The following BAZ2B variants were observed in gnomAD, a reference collection of about 807,000 sequenced individuals.
BAZ2B encodes the protein bromodomain adjacent to zinc finger domain protein 2B.
In BAZ2B, 91 loss-of-function variants were observed where a neutral mutation model predicts 246.0. The observed-to-expected ratio is 0.37, with a 90% confidence interval of 0.31 to 0.44. BAZ2B has a LOEUF of 0.44. BAZ2B is among the 20% of genes least tolerant of loss of function. The pLI is 1.00. For missense variants in BAZ2B, 2,332 were observed against 2,533.7 expected (o/e 0.92, Z 1.71); for synonymous variants, 855 against 860.0 (o/e 0.99, Z 0.10).
chr2:159,630,692 C>T, the BAZ2B span, among the ~76,000 whole-genome samples: 1 of 152,098 alleles, frequency 6.6e-6, no homozygotes, highest in Non-Finnish European at 1.5e-5. Flanking sequence ...CGCTACCACG[C>T]CCGGCTAATT....
At chr2:159,643,334 T>C in the BAZ2B span, among the ~76,000 whole-genome samples, 1 of 152,176 alleles carries the variant, frequency 6.6e-6, no homozygotes, top group Admixed American at 6.5e-5. Flanking sequence ...ATCTTGCTCC[T>C]TCCTAACATG....
the BAZ2B span, among the ~76,000 whole-genome samples, chr2:159,683,038 C>T: frequency 6.6e-6 from 1 of 151,994 alleles, no homozygotes; most frequent in Non-Finnish European, 1.5e-5. Context: ...TGCATTTCCC[C>T]CATGGAGCAT....
At chr2:159,445,144 G>T (rs549081849) in intron 6 of BAZ2B, among the ~76,000 whole-genome samples, 39 of 152,254 alleles carry the variant, frequency 2.6e-4, no homozygotes, top group African/African-American at 9.4e-4. Context: ...AGAGTGATCA[G>T]AATGTAGAAG....
At chr2:159,555,387 A>T (rs893342989) in intron 2 of BAZ2B, 1 of 152,082 alleles carries the variant, frequency 6.6e-6, no homozygotes, top group African/African-American at 2.4e-5. Context: ...CACCGCGCCC[A>T]GCCTACCAAG....
the BAZ2B span, among the ~76,000 whole-genome samples, chr2:159,707,424 C>T: frequency 6.6e-6 from 1 of 151,962 alleles, no homozygotes; most frequent in Non-Finnish European, 1.5e-5. Context: ...AGCTGTTGGC[C>T]TGGTGCCTGT....
chr2:159,437,407 T>G (rs1363311266), intron 8 of BAZ2B: 1 of 151,770 alleles, frequency 6.6e-6, no homozygotes, highest in East Asian at 1.9e-4. Flanking sequence ...TTTTTTTTTT[T>G]TTTCGGTAGA....
At chr2:159,693,329 G>A in the BAZ2B span, 1 of 151,784 alleles carries the variant, frequency 6.6e-6, no homozygotes, top group African/African-American at 2.4e-5. Context: ...TTTTTATGAG[G>A]TGGATCCTTG....
intron 2 of BAZ2B, among the ~76,000 whole-genome samples, chr2:159,532,758 G>A (rs1305982544): frequency 6.6e-6 from 1 of 152,130 alleles, no homozygotes; most frequent in Non-Finnish European, 1.5e-5. Flanking sequence ...AGGATTCTGT[G>A]TCAAGATGTC....
rs551132713 is a variant in BAZ2B, at chr2:159,414,571, T to C, written c.2467-2026A>G. Among the ~76,000 whole-genome samples the C allele has an allele frequency of 4.6e-5, 7 of 152,034 alleles. No individual in the cohort carries two copies. In the East Asian group the frequency reaches 9.7e-4, roughly 21 times the overall value. Reference sequence around the variant, plus strand: ...GTGGCCCACGCCTGTAATCTCAGCATGTTGGGAGGCTGAGGCGGGTGGATC... The same window carrying C: ...GTGGCCCACGCCTGTAATCTCAGCACGTTGGGAGGCTGAGGCGGGTGGATC... On this transcript the variant is annotated intron_variant, in intron 13 of 36. Transcript: ENST00000392783.
chr2:159,649,576 G>A, the BAZ2B span, among the ~76,000 whole-genome samples: 1 of 152,074 alleles, frequency 6.6e-6, no homozygotes, highest in Non-Finnish European at 1.5e-5. Context: ...CATGGCCCAG[G>A]GGTTGGGGAC....
intron 2 of BAZ2B, among the ~76,000 whole-genome samples, chr2:159,538,011 T>C (rs1404004264): frequency 6.6e-6 from 1 of 152,182 alleles, no homozygotes; most frequent in Non-Finnish European, 1.5e-5. Flanking sequence ...TTTGTTTGTT[T>C]GTTTAGGAGG....
At chr2:159,704,482 CTT>C in the BAZ2B span, among the ~76,000 whole-genome samples, 15 of 116,996 alleles carry the variant, frequency 1.3e-4, no homozygotes, top group Admixed American at 1.9e-4. Context: ...CTTTCTTTTT[CTT>C]TTTTTTTTTT....
At chr2:159,691,069 T>C in the BAZ2B span, among the ~76,000 whole-genome samples, 1 of 152,310 alleles carries the variant, frequency 6.6e-6, no homozygotes, top group Admixed American at 6.5e-5. Context: ...TATATATTTA[T>C]CATGTTAAGA....
intron 3 of BAZ2B, among the ~76,000 whole-genome samples, chr2:159,456,928 C>T (rs1229863647): frequency 6.6e-6 from 1 of 152,148 alleles, no homozygotes; most frequent in African/African-American, 2.4e-5. Flanking sequence ...TTTAAGAATA[C>T]ATTTCACAAT....
At chr2:159,634,603 G>A in the BAZ2B span, among the ~76,000 whole-genome samples, 7 of 152,074 alleles carry the variant, frequency 4.6e-5, no homozygotes, top group Non-Finnish European at 8.8e-5. Context: ...ATATTATTTC[G>A]CTGCTGGTTT....
chr2:159,414,544 C>T (rs1474149689), intron 13 of BAZ2B, among the ~76,000 whole-genome samples: 1 of 152,088 alleles, frequency 6.6e-6, no homozygotes. Flanking sequence ...TGGCCGGGCG[C>T]GGTGGCCCAC....
At chr2:159,584,127 GTT>G (rs34885086) in intron 1 of BAZ2B, among the ~76,000 whole-genome samples, 24 of 146,234 alleles carry the variant, frequency 1.6e-4, no homozygotes, top group Admixed American at 2.7e-4. Context: ...CTGATTTAGG[GTT>G]TTTTTTTTTT....
In BAZ2B at chr2:159,462,091, A is replaced by G. The variant is rs2076474866; in HGVS notation, c.146-8290T>C. On this transcript the variant is annotated intron_variant, in intron 3 of 36. Transcript: ENST00000392783. ...AAATCAGTAGCAGCGCTTCATGGCTAGGAAACTTTTTTAAACAGTAAAATG... is the reference window on the plus strand; with the variant it reads ...AAATCAGTAGCAGCGCTTCATGGCTGGGAAACTTTTTTAAACAGTAAAATG... The G allele has an allele frequency of 4.3e-5, 11 of 256,476 alleles. No individual in the cohort carries two copies. The South Asian group carries it at 5.3e-4, about 12-fold the overall frequency. The allele number at this position is 256,476 out of a possible 1,614,324, so 15.9% of individuals were successfully genotyped here. A position where few individuals can be genotyped will look rare whatever the true frequency, so the allele number is the denominator to read the frequency against.
At chr2:159,353,714 CCTACCCA>C (rs2058795222) in intron 27 of BAZ2B, among the ~76,000 whole-genome samples, 6 of 152,170 alleles carry the variant, frequency 3.9e-5, no homozygotes, top group South Asian at 2.1e-4. Flanking sequence ...AGTTCCCGTT[CCTACCCA>C]CCAGAGTGGG....
Sources: allele counts gnomAD v4.1 joint callset (sites outside exome capture counted in the v4.1 genomes callset), GRCh38; gene constraint gnomAD v4.1.1; transcripts MANE v1.5; gene names NCBI Gene and HGNC (gene_info 2026-07-23, HGNC 2026-07-21).